The following LCOR variants were observed in gnomAD, a reference collection of about 807,000 sequenced individuals.
LCOR encodes ligand-dependent corepressor.
Under a neutral mutation model 64.4 loss-of-function variants are expected in LCOR, and 14 were observed. The ratio of observed to expected loss-of-function variants is 0.22; its 90% CI spans 0.14 to 0.34. LCOR has a LOEUF of 0.34. LCOR is among the 10% of genes least tolerant of loss of function. LCOR has a pLI of 1.00. For missense variants in LCOR, 1,686 were observed against 1,765.3 expected, an observed-to-expected ratio of 0.96 and a Z score of 0.80; for synonymous variants, 643 against 642.5, an observed-to-expected ratio of 1.00 and a Z score of -0.01.
At chr10:96,950,993 G>T (rs999200929) in intron 6 of LCOR, among the ~76,000 whole-genome samples, 1 of 151,902 alleles carries the variant, frequency 6.6e-6, no homozygotes. Context: ...TGAGTGTGGG[G>T]TTTTTTTATT....
chr10:96,931,827 A>G (rs1465354733), intron 4 of LCOR, among the ~76,000 whole-genome samples: 1 of 152,222 alleles, frequency 6.6e-6, no homozygotes, highest in East Asian at 1.9e-4. Context: ...GTAAGATAAT[A>G]AGTACGTGGG....
At chr10:96,954,993 C>T (rs1157139018) in intron 7 of LCOR, 5 of 1,614,038 alleles carry the variant, frequency 3.1e-6, no homozygotes, top group South Asian at 2.2e-5. Context: ...AGACGGACTT[C>T]GGAGTGGTGA....
intron 5 of LCOR, among the ~76,000 whole-genome samples, chr10:96,947,737 CTT>C (rs942356455): frequency 1.4e-5 from 2 of 145,184 alleles, no homozygotes. Flanking sequence ...TCACATTTCC[CTT>C]TTTTTTTTTA....
chr10:96,940,251 G>A (rs561908646), intron 4 of LCOR, among the ~76,000 whole-genome samples: 4 of 149,836 alleles, frequency 2.7e-5, no homozygotes, highest in East Asian at 3.9e-4. Flanking sequence ...AACGTGATAC[G>A]GAAATTTATA....
intron 7 of LCOR, among the ~76,000 whole-genome samples, chr10:96,972,946 C>T (rs562831695): frequency 1.1e-4 from 16 of 152,242 alleles, no homozygotes; most frequent in African/African-American, 3.9e-4. Context: ...CACACTTGAA[C>T]AAATACCATG....
chr10:96,889,690 A>G (rs946215721), intron 2 of LCOR, among the ~76,000 whole-genome samples: 5 of 152,186 alleles, frequency 3.3e-5, no homozygotes, highest in African/African-American at 1.2e-4. Context: ...GGGCGTTAAC[A>G]TGAATTTTGG....
chr10:96,885,350 G>A (rs1361687209), intron 2 of LCOR, among the ~76,000 whole-genome samples: 1 of 151,946 alleles, frequency 6.6e-6, no homozygotes, highest in African/African-American at 2.4e-5. Context: ...TTCTCTTTTA[G>A]CATTAGGATG....
At chr10:96,919,459 A>AT (rs1303947586) in intron 4 of LCOR, among the ~76,000 whole-genome samples, 2 of 151,806 alleles carry the variant, frequency 1.3e-5, no homozygotes, top group African/African-American at 4.8e-5. Flanking sequence ...CTTTTTTGAA[A>AT]TTATTTGCAT....
At chr10:96,861,882 A>G (rs1462064021) in intron 2 of LCOR, among the ~76,000 whole-genome samples, 3 of 152,148 alleles carry the variant, frequency 2.0e-5, no homozygotes, top group African/African-American at 4.8e-5. Flanking sequence ...TGGAGATACC[A>G]TCAGATCCCA....
intron 2 of LCOR, among the ~76,000 whole-genome samples, chr10:96,887,898 C>T (rs189472410): frequency 4.7e-4 from 70 of 150,126 alleles, no homozygotes; most frequent in African/African-American, 1.7e-3. Context: ...CCAGGCTGGT[C>T]TTGAACTCAT....
intron 5 of LCOR, among the ~76,000 whole-genome samples, chr10:96,948,204 A>G (rs564329199): frequency 6.6e-6 from 1 of 152,330 alleles, no homozygotes; most frequent in Non-Finnish European, 1.5e-5. Context: ...TTGATAATTT[A>G]GATGTTTATT....
At chr10:96,917,598 CTGTG>C (rs1488274026) in intron 4 of LCOR, among the ~76,000 whole-genome samples, 1 of 152,084 alleles carries the variant, frequency 6.6e-6, no homozygotes, top group East Asian at 1.9e-4. Flanking sequence ...TTAAAAGGAT[CTGTG>C]TGTGTTTTAG....
Position 96,984,810 on chromosome 10 carries a change from G to A in LCOR, c.4350G>A (p.Thr1450=), listed in dbSNP as rs1303215891. The A allele has an allele frequency of 1.6e-5, 26 of 1,613,984 alleles. No individual in the cohort carries two copies. The highest frequency in any genetic ancestry group is 2.2e-5 in the East Asian group (1 of 44,898). ...RDRSSQPPKK[T]SLKENKVKIP... is the part of the protein sequence containing the mutation. ...GAAGCAGCCAACCCCCCAAAAAGAC[G>A]TCTTTGAAAGAGAATAAAGTGAAGA... The change falls in exon 8 of 8, where the codon ACG becomes ACA. Residue 1450 remains threonine, a synonymous_variant. Coordinates refer to ENST00000421806, the MANE Select transcript of LCOR (RefSeq NM_001346516.2).
chr10:96,865,417 G>A (rs11188952), intron 2 of LCOR, among the ~76,000 whole-genome samples: 12,305 of 152,106 alleles, frequency 0.081, 915 homozygotes, highest in East Asian at 0.28. Context: ...CATTGGAGAA[G>A]CATGAAGGCA....
chr10:96,905,685 G>A (rs1452537354), intron 2 of LCOR, among the ~76,000 whole-genome samples: 1 of 152,048 alleles, frequency 6.6e-6, no homozygotes, highest in Non-Finnish European at 1.5e-5. Context: ...ATTTTAGTAG[G>A]TAAATAATAG....
At position 96,991,371 on chromosome 10, in the gene LCOR, A is replaced by G. The variant is rs975287353; in HGVS notation, c.*6237A>G. On this transcript the variant is annotated 3_prime_UTR_variant, in exon 8 of 8. Transcript: ENST00000421806. ...TGTGATCATATCTATTAGGGTATGT[A>G]GTGAAAACTAAAAGTGCAGTCTTTA... The G allele has an allele frequency of 1.3e-5, 2 of 152,194 alleles. No homozygotes were observed. The allele number at this position is 152,194 out of a possible 1,614,324, so 9.4% of individuals were successfully genotyped here.
At chr10:96,940,175 A>G (rs1318132057) in intron 4 of LCOR, among the ~76,000 whole-genome samples, 8 of 152,200 alleles carry the variant, frequency 5.3e-5, no homozygotes, top group African/African-American at 1.7e-4. Flanking sequence ...ACCCTTATAC[A>G]TTGTTTTTGG....
chr10:96,839,010 T>C (rs778999831), intron 2 of LCOR, among the ~76,000 whole-genome samples: 2 of 152,186 alleles, frequency 1.3e-5, no homozygotes, highest in Non-Finnish European at 2.9e-5. Context: ...GATTATATAA[T>C]AGCTATTTTA....
rs1848151771 is a variant in LCOR at position 96,986,597 on chromosome 10, C to G, written c.*1463C>G. On this transcript the variant is annotated 3_prime_UTR_variant, in exon 8 of 8. Transcript: ENST00000421806. ...ACAATGTTTTAATGACTTTGTTTGC[C>G]TTTCCCAGGTGAAGCCTGAGACAGG... The G allele has an allele frequency of 6.6e-6, 1 of 152,230 alleles. No individual in the cohort carries two copies. The highest frequency in any genetic ancestry group is 1.5e-5 in the Non-Finnish European group (1 of 68,050). 9.4% of individuals were successfully genotyped at this position (152,230 alleles called of 1,614,324 possible). A position where few individuals can be genotyped will look rare whatever the true frequency, so the allele number is the denominator to read the frequency against.
Sources: gnomAD v4.1 joint callset for allele counts (sites outside exome capture counted in the v4.1 genomes callset) on GRCh38, gnomAD v4.1.1 for gene constraint, MANE v1.5 for transcripts, NCBI Gene and HGNC (gene_info 2026-07-23, HGNC 2026-07-21) for gene names.